Variants in ITFG1 observed in about 807,000 individuals in gnomAD.
ITFG1 encodes T-cell immunomodulatory protein.
Under a neutral mutation model 81.8 loss-of-function variants are expected in ITFG1, and 34 were observed. The observed-to-expected ratio is 0.42, with a 90% CI of 0.32 to 0.55. The LOEUF is 0.55. ITFG1 is among the 20% of genes least tolerant of loss of function. The pLI is 0.17. For missense variants in ITFG1, 672 were observed against 755.4 expected (o/e 0.89, Z 1.29); for synonymous variants, 285 against 270.6 (o/e 1.05, Z -0.52).
At chr16:47,282,094 A>G (rs1966456956) in intron 10 of ITFG1, among the ~76,000 whole-genome samples, 1 of 151,548 alleles carries the variant, frequency 6.6e-6, no homozygotes, top group African/African-American at 2.4e-5. Context: ...CCTCAGCCTC[A>G]TGGGTACAAT....
At chr16:47,325,582 C>G (rs1967524206) in intron 8 of ITFG1, among the ~76,000 whole-genome samples, 1 of 151,892 alleles carries the variant, frequency 6.6e-6, no homozygotes, top group African/African-American at 2.4e-5. Flanking sequence ...GCTAGCAAGA[C>G]TAATAAAGAA....
At chr16:47,396,133 T>C (rs913388031) in intron 6 of ITFG1, 19 of 982,956 alleles carry the variant, frequency 1.9e-5, no homozygotes, top group Non-Finnish European at 2.3e-5. Context: ...AAGTATAGTG[T>C]GGTGGGTGGT....
At chr16:47,170,201 G>A (rs374249945) in intron 14 of ITFG1, among the ~76,000 whole-genome samples, 77 of 152,286 alleles carry the variant, frequency 5.1e-4, no homozygotes, top group African/African-American at 1.7e-3. Flanking sequence ...CACAGAATGT[G>A]TTAGGGAGTA....
chr16:47,284,713 G>A (rs1331231347), intron 10 of ITFG1, among the ~76,000 whole-genome samples: 1 of 152,112 alleles, frequency 6.6e-6, no homozygotes, highest in African/African-American at 2.4e-5. Context: ...GAATGAATGT[G>A]CTATTTTTGA....
chr16:47,379,867 GGT>G (rs1968374091), intron 6 of ITFG1, among the ~76,000 whole-genome samples: 1 of 151,878 alleles, frequency 6.6e-6, no homozygotes, highest in African/African-American at 2.4e-5. Flanking sequence ...CACTAGTGGG[GGT>G]GTGATATTTT....
intron 5 of ITFG1, among the ~76,000 whole-genome samples, chr16:47,442,367 T>A (rs983706413): frequency 2.0e-5 from 3 of 151,944 alleles, no homozygotes; most frequent in Non-Finnish European, 4.4e-5. Flanking sequence ...GAGCCCACAT[T>A]GCCAAGTCAT....
intron 12 of ITFG1, among the ~76,000 whole-genome samples, chr16:47,240,617 T>A (rs1220625042): frequency 6.6e-6 from 1 of 152,144 alleles, no homozygotes; most frequent in Non-Finnish European, 1.5e-5. Context: ...CATGGCAGCG[T>A]TAGTCACAAC....
At chr16:47,258,923 AT>A (rs1448956496) in intron 11 of ITFG1, among the ~76,000 whole-genome samples, 183 bp from the exon 12 acceptor site, 1 of 152,228 alleles carries the variant, frequency 6.6e-6, no homozygotes, top group Non-Finnish European at 1.5e-5. Context: ...CAATAGTAAA[AT>A]ATAAATAAAA....
chr16:47,419,854 C>T (rs961344948), intron 6 of ITFG1, among the ~76,000 whole-genome samples: 6 of 151,976 alleles, frequency 3.9e-5, no homozygotes, highest in Non-Finnish European at 8.8e-5. Flanking sequence ...CCGCCCACCC[C>T]GGCCTCCCAA....
At chr16:47,292,878 AC>A (rs1966925868) in intron 10 of ITFG1, among the ~76,000 whole-genome samples, 1 of 151,226 alleles carries the variant, frequency 6.6e-6, no homozygotes. Flanking sequence ...CTATTATTTT[AC>A]AATCTATGTC....
At chr16:47,405,772 T>C (rs1368943167) in intron 6 of ITFG1, among the ~76,000 whole-genome samples, 1 of 152,170 alleles carries the variant, frequency 6.6e-6, no homozygotes, top group East Asian at 1.9e-4. Context: ...TCATTATTTA[T>C]TCATGACTGT....
intron 6 of ITFG1, among the ~76,000 whole-genome samples, chr16:47,420,341 G>A (rs992685497): frequency 6.6e-6 from 1 of 152,176 alleles, no homozygotes; most frequent in Non-Finnish European, 1.5e-5. Flanking sequence ...TTTTGTAAAT[G>A]TCTGTTGGGC....
intron 5 of ITFG1, among the ~76,000 whole-genome samples, chr16:47,446,858 TG>T (rs1292853217): frequency 6.6e-6 from 1 of 151,904 alleles, no homozygotes; most frequent in Non-Finnish European, 1.5e-5. Context: ...TCAACTATAC[TG>T]GTTTTTTCTT....
intron 6 of ITFG1, among the ~76,000 whole-genome samples, chr16:47,417,544 C>G (rs1233731522): frequency 6.6e-6 from 1 of 152,098 alleles, no homozygotes; most frequent in Non-Finnish European, 1.5e-5. Flanking sequence ...TTTTTCATCT[C>G]CCACTCTACA....
chr16:47,364,668 A>G (rs1968152389), intron 8 of ITFG1, among the ~76,000 whole-genome samples: 1 of 152,224 alleles, frequency 6.6e-6, no homozygotes, highest in Admixed American at 6.5e-5. Flanking sequence ...TTAACATAAT[A>G]TTCAATATAA....
intron 14 of ITFG1, among the ~76,000 whole-genome samples, chr16:47,180,095 C>G (rs1312094673): frequency 6.6e-6 from 1 of 152,196 alleles, no homozygotes; most frequent in Non-Finnish European, 1.5e-5. Context: ...TTTTCACGCT[C>G]TATTCCCGGG....
intron 14 of ITFG1, among the ~76,000 whole-genome samples, chr16:47,175,314 T>A (rs1820567694): frequency 6.6e-6 from 1 of 151,086 alleles, no homozygotes; most frequent in Non-Finnish European, 1.5e-5. Flanking sequence ...AATTTAAAAC[T>A]TTAATTTTAA....
chr16:47,217,555 A>C (rs1483781256), intron 14 of ITFG1, among the ~76,000 whole-genome samples: 1 of 152,240 alleles, frequency 6.6e-6, no homozygotes, highest in African/African-American at 2.4e-5. Context: ...TGAATTAAAA[A>C]CATAAAGAAG....
intron 13 of ITFG1, among the ~76,000 whole-genome samples, chr16:47,223,869 G>A (rs1965725029): frequency 6.6e-6 from 1 of 152,132 alleles, no homozygotes; most frequent in South Asian, 2.1e-4. Flanking sequence ...TATACACCAT[G>A]GAATACTATG....
Sources: allele counts gnomAD v4.1 joint callset (sites outside exome capture counted in the v4.1 genomes callset), GRCh38; gene constraint gnomAD v4.1.1; transcripts MANE v1.5; gene names NCBI Gene and HGNC (gene_info 2026-07-23, HGNC 2026-07-21).